The following CRTAC1 variants were observed in gnomAD, a reference collection of about 807,000 sequenced individuals.
CRTAC1 encodes the protein acidic secreted protein in cartilage.
A neutral mutation model predicts 67.8 loss-of-function variants in CRTAC1; 37 were observed. The ratio of observed to expected loss-of-function variants is 0.55; its 90% CI spans 0.42 to 0.72. The LOEUF is 0.72. Among genes scored for constraint, CRTAC1 ranks in the 30% least tolerant of loss-of-function variants. CRTAC1 has a pLI of 0.00. For missense variants in CRTAC1, 780 were observed against 931.6 expected (o/e 0.84, Z 2.12); for synonymous variants, 348 against 371.0 (o/e 0.94, Z 0.71).
intron 3 of CRTAC1, among the ~76,000 whole-genome samples, chr10:97,933,076 A>G (rs2051025464): frequency 6.6e-6 from 1 of 152,254 alleles, no homozygotes; most frequent in Non-Finnish European, 1.5e-5. Context: ...TGCCATGGGC[A>G]TGCCTGGGCT....
chr10:97,930,837 CAG>C (rs2050992751), intron 3 of CRTAC1, among the ~76,000 whole-genome samples: 1 of 151,116 alleles, frequency 6.6e-6, no homozygotes, highest in African/African-American at 2.4e-5. Context: ...AAGTATGACA[CAG>C]AGCCCAAAAA....
chr10:97,950,242 CACACAGAGAGAGAGAGAGAG>C (rs1274801581), intron 2 of CRTAC1, among the ~76,000 whole-genome samples: 21 of 117,610 alleles, frequency 1.8e-4, no homozygotes, highest in African/African-American at 6.0e-4. Flanking sequence ...TGCACACACA[CACACAGAGAGAGAGAGAGAG>C]AGAGAGAGAG....
At chr10:97,885,939 A>G (rs770813994) in intron 11 of CRTAC1, among the ~76,000 whole-genome samples, 2 of 152,236 alleles carry the variant, frequency 1.3e-5, no homozygotes, top group Non-Finnish European at 2.9e-5. Context: ...TTGCTGTTGA[A>G]TGTATATTCG....
intron 3 of CRTAC1, among the ~76,000 whole-genome samples, chr10:97,926,694 C>T (rs2050924644): frequency 6.6e-6 from 1 of 152,182 alleles, no homozygotes; most frequent in Admixed American, 6.5e-5. Context: ...CAGATTAGCC[C>T]AGGACAGGTT....
intron 2 of CRTAC1, among the ~76,000 whole-genome samples, chr10:98,005,726 C>T (rs187403889): frequency 2.7e-3 from 405 of 151,642 alleles, no homozygotes; most frequent in Admixed American, 4.9e-3. Context: ...TGCATAAATG[C>T]TGCTTTGGCT....
At chr10:97,899,307 A>G (rs2050501699) in intron 8 of CRTAC1, among the ~76,000 whole-genome samples, 1 of 152,146 alleles carries the variant, frequency 6.6e-6, no homozygotes, top group African/African-American at 2.4e-5. Flanking sequence ...ACACTAACCC[A>G]TTGGGCAGCC....
intron 9 of CRTAC1, 33 bp downstream of exon 9, chr10:97,896,876 C>A: frequency 3.0e-6 from 2 of 661,672 alleles, no homozygotes; most frequent in Non-Finnish European, 4.8e-6. Flanking sequence ...GCTAAGGGGG[C>A]AGTGCAGGCC....
intron 2 of CRTAC1, among the ~76,000 whole-genome samples, chr10:97,991,893 T>C (rs1293891483): frequency 2.6e-5 from 4 of 152,374 alleles, no homozygotes; most frequent in Admixed American, 6.5e-5. Context: ...GTTATTTTAC[T>C]ATCTCTTGCT....
chr10:97,954,335 G>A (rs917444077), intron 2 of CRTAC1, among the ~76,000 whole-genome samples: 15 of 152,156 alleles, frequency 9.9e-5, no homozygotes, highest in Admixed American at 6.5e-5. Flanking sequence ...GCTCCTGTCC[G>A]CACCATCATT....
intron 14 of CRTAC1, among the ~76,000 whole-genome samples, chr10:97,876,070 T>C (rs570101959): frequency 6.6e-6 from 1 of 152,280 alleles, no homozygotes; most frequent in African/African-American, 2.4e-5. Flanking sequence ...TCACTAGGCC[T>C]CCAGGGGCTC....
At chr10:97,933,509 A>C (rs1277286685) in intron 3 of CRTAC1, among the ~76,000 whole-genome samples, 1 of 152,216 alleles carries the variant, frequency 6.6e-6, no homozygotes, top group Non-Finnish European at 1.5e-5. Flanking sequence ...AGCTCTTAGG[A>C]TATGCAATGT....
chr10:97,983,542 T>G (rs183712088), intron 2 of CRTAC1, among the ~76,000 whole-genome samples: 4 of 148,116 alleles, frequency 2.7e-5, no homozygotes, highest in Admixed American at 2.6e-4. Context: ...CACAAAGAGA[T>G]AGAAATTTCA....
chr10:98,018,792 A>G (rs548994639), intron 1 of CRTAC1, among the ~76,000 whole-genome samples: 11 of 151,646 alleles, frequency 7.3e-5, no homozygotes, highest in African/African-American at 2.4e-4. Context: ...GGGCTGAGAC[A>G]TGAAGGAGAG....
chr10:97,910,896 G>A (rs1432782936), intron 5 of CRTAC1, among the ~76,000 whole-genome samples: 1 of 152,188 alleles, frequency 6.6e-6, no homozygotes, highest in Non-Finnish European at 1.5e-5. Context: ...GCCAAAGAGA[G>A]CCCAAGCCGC....
chr10:97,926,908 C>T (rs1564898097), intron 3 of CRTAC1, among the ~76,000 whole-genome samples: 2 of 152,192 alleles, frequency 1.3e-5, no homozygotes, highest in Non-Finnish European at 2.9e-5. Context: ...GGTCTCCAGC[C>T]TTCACCATCA....
At chr10:97,997,126 C>A (rs1391886826) in intron 2 of CRTAC1, among the ~76,000 whole-genome samples, 10 of 149,344 alleles carry the variant, frequency 6.7e-5, no homozygotes, top group African/African-American at 2.5e-4. Flanking sequence ...AGGAGATATA[C>A]CTAATGCTAA....
chr10:97,922,952 C>A (rs1444218371), intron 4 of CRTAC1, among the ~76,000 whole-genome samples: 4 of 152,186 alleles, frequency 2.6e-5, no homozygotes, highest in Admixed American at 1.3e-4. Flanking sequence ...ATGTCCTAGC[C>A]ACACCACTCA....
chr10:98,006,664 C>A (rs2136690265), intron 2 of CRTAC1, among the ~76,000 whole-genome samples: 1 of 152,296 alleles, frequency 6.6e-6, no homozygotes, highest in African/African-American at 2.4e-5. Context: ...ATACTCAAAG[C>A]AACAGGGCTC....
At chr10:97,913,288 T>C (rs2050715270) in intron 5 of CRTAC1, among the ~76,000 whole-genome samples, 1 of 152,110 alleles carries the variant, frequency 6.6e-6, no homozygotes, top group African/African-American at 2.4e-5. Flanking sequence ...CTGGGAGCCT[T>C]CAGAGCCTGG....
Sources: gnomAD v4.1 joint callset for allele counts (sites outside exome capture counted in the v4.1 genomes callset) on GRCh38, gnomAD v4.1.1 for gene constraint, MANE v1.5 for transcripts, NCBI Gene and HGNC (gene_info 2026-07-23, HGNC 2026-07-21) for gene names.